The following SORBS3 variants were observed in gnomAD, a reference collection of about 807,000 sequenced individuals.
The protein encoded by SORBS3 is sorbin and SH3 domain containing 3, also known as vinexin.
A neutral mutation model predicts 98.0 loss-of-function variants in SORBS3; 69 were observed. The observed-to-expected ratio is 0.70, with a 90% CI of 0.58 to 0.86. SORBS3 has a LOEUF of 0.86. Ranked by LOEUF, SORBS3 falls within the 40% of genes least tolerant of loss-of-function variation. The probability of loss-of-function intolerance (pLI) is 0.00; values close to 1 mark genes in which losing one functional copy is unlikely to be tolerated. For missense variants in SORBS3, 954 were observed against 908.5 expected (o/e 1.05, Z -0.64); for synonymous variants, 394 against 355.4 (o/e 1.11, Z -1.22).
At position 22,561,874 on chromosome 8, in the gene SORBS3, A is replaced by T. The variant is rs576322599; in HGVS notation, c.527A>T (p.His176Leu). ...TGTACCTCCTCTGCAGACCCCAGGC[A>T]TCTAGGAGCCCAGCAAAGACCTGCC... ...TFEEPPRDPR[H>L]LGAQQRPAHR... Residue 176 changes from histidine to leucine, a missense_variant, in exon 7 of 21, where the codon CAT (histidine) becomes CTT (leucine). His to Leu is a moderately conservative substitution (Grantham distance 99). Transcript: ENST00000240123. 1 of 1,614,058 alleles carries T rather than the reference A, an allele frequency of 6.2e-7. No homozygotes were observed. Among genetic ancestry groups the T allele is most frequent in the South Asian group, 1.1e-5 (1 of 91,076 alleles).
At chr8:22,564,893 G>C (rs1840372683) in intron 10 of SORBS3, 1 of 1,280,672 alleles carries the variant, frequency 7.8e-7, no homozygotes, top group Non-Finnish European at 9.9e-7. Flanking sequence ...CCGGTCCCTG[G>C]GGTGGCGGGG....
In SORBS3 at chr8:22,571,154, G is replaced by A; in HGVS notation, c.1676G>A (p.Gly559Glu). The change falls in exon 18 of 21, where the codon GGG becomes GAG. Residue 559 changes from glycine to glutamate, a missense_variant. Physicochemically the swap from Gly to Glu is moderately conservative, Grantham distance 98. Coordinates refer to ENST00000240123, the MANE Select transcript of SORBS3 (RefSeq NM_005775.5). ...LRSPADPIDL[G>E]GQTSPRRTGF... ...AGCCCAGCTGACCCCATCGACTTGG[G>A]GGGACAGACCTCCCCCCGTCGCACT... The A allele has an allele frequency of 6.3e-7, 1 of 1,594,320 alleles. No homozygotes were observed. The highest frequency in any genetic ancestry group is 1.1e-5 in the South Asian group (1 of 90,696).
chr8:22,556,716 C>A lies in SORBS3; in HGVS notation c.222C>A (p.Asp74Glu), dbSNP rs1563817097. 6.2e-7 allele frequency: 1 copy of A among 1,613,708 alleles called. No homozygotes were observed. The highest frequency in any genetic ancestry group is 8.5e-7 in the Non-Finnish European group (1 of 1,179,994). ...TGCTCTCCTGCACGCACCCAACAGACCCTGCGTGGTATCAGACCTGGCCAG... is the reference window on the plus strand; with the variant it reads ...TGCTCTCCTGCACGCACCCAACAGAACCTGCGTGGTATCAGACCTGGCCAG... ...TPRRDASQHP[D>E]PAWYQTWPGP... The change falls in exon 4 of 21, where the codon GAC (aspartate) becomes GAA (glutamate). Residue 74 changes from aspartate (D) to glutamate (E), a missense_variant and splice_region_variant. Transcript: ENST00000240123.
At chr8:22,564,611 G>A (rs1840366559) in intron 10 of SORBS3, 90 bp downstream of exon 10, 3 of 1,534,790 alleles carry the variant, frequency 2.0e-6, no homozygotes, top group Admixed American at 1.7e-5. Context: ...CATAGGCCAC[G>A]AACTAAGAGC....
chr8:22,556,693 C>A lies in SORBS3; in HGVS notation c.221-22C>A, dbSNP rs752751340. ...TGGAGACCCCTGCCTTTCACTAATG[C>A]TCTCCTGCACGCACCCAACAGACCC... On this transcript the variant is annotated intron_variant, in intron 3 of 20. Coordinates refer to ENST00000240123, the MANE Select transcript of SORBS3 (RefSeq NM_005775.5). 3.7e-6 allele frequency: 6 copies of A among 1,611,184 alleles called. No homozygotes were observed. In the South Asian group the frequency reaches 5.5e-5, roughly 15 times the overall value.
chr8:22,573,722 C>G, intron 20 of SORBS3, among the ~76,000 whole-genome samples: 1 of 152,180 alleles, frequency 6.6e-6, no homozygotes, highest in South Asian at 2.1e-4. Context: ...AGGGTGCCAG[C>G]CTGGAAGGGG....
At chr8:22,552,745 G>A (rs898736746) in intron 1 of SORBS3, among the ~76,000 whole-genome samples, 3 of 152,296 alleles carry the variant, frequency 2.0e-5, no homozygotes, top group South Asian at 4.1e-4. Context: ...CAGTCAGCTG[G>A]GCAGGGAGGG....
intron 10 of SORBS3, 119 bp downstream of exon 10, chr8:22,564,640 T>C: frequency 1.4e-6 from 2 of 1,432,982 alleles, no homozygotes; most frequent in Non-Finnish European, 1.9e-6. Context: ...CAGTCCCACA[T>C]GGTTTATTTC....
At chr8:22,571,858 G>A in intron 19 of SORBS3, 37 bp downstream of exon 19, 3 of 1,444,882 alleles carry the variant, frequency 2.1e-6, no homozygotes, top group Non-Finnish European at 2.9e-6. Context: ...CAGACGTGGG[G>A]GGGGTCACTG....
chr8:22,567,144 G>T lies in SORBS3; in HGVS notation c.1274G>T (p.Arg425Leu). 6.2e-7 allele frequency: 1 copy of T among 1,612,978 alleles called. No homozygotes were observed. Among genetic ancestry groups the T allele is most frequent in the South Asian group, 1.1e-5 (1 of 91,066 alleles). The change falls in exon 16 of 21, where the codon CGC (arginine) becomes CTC (leucine). Residue 425 changes from arginine to leucine, a missense_variant. Physicochemically the swap from Arg to Leu is moderately radical, Grantham distance 102. Transcript: ENST00000240123. ...KNWLEGEHHG[R>L]LGIFPANYVE... is the part of the protein sequence containing the mutation. ...TGGCTGGAGGGAGAGCACCACGGCC[G>T]CCTGGGCATCTTCCCTGCTAATTAT...
rs768856645 is a variant in SORBS3, at chr8:22,569,157, G to T, written c.1315G>T (p.Ala439Ser). 1.3e-4 allele frequency: 205 copies of T among 1,604,646 alleles called. 1 individual carries two copies. The South Asian group carries it at 2.0e-3, about 15-fold the overall frequency. Residue 439 changes from alanine to serine, a missense_variant, in exon 17 of 21, where the codon GCA becomes TCA. By Grantham distance (99) the Ala-to-Ser change is moderately conservative. Transcript: ENST00000240123. ...FPANYVEVLP[A>S]DEIPKPIKPP... ...ACCTTTCTTCATGCAGGTGCTGCCC[G>T]CAGATGAGATCCCTAAGCCCATCAA... is the stretch of plus-strand genomic sequence containing the variant.
At chr8:22,570,225 GT>G (rs894800605) in intron 17 of SORBS3, among the ~76,000 whole-genome samples, 1 of 152,232 alleles carries the variant, frequency 6.6e-6, no homozygotes, top group Admixed American at 6.5e-5. Flanking sequence ...GGGGAAGAAG[GT>G]GGCTGGATGG....
At chr8:22,568,745 C>T (rs868757371) in intron 16 of SORBS3, among the ~76,000 whole-genome samples, 3 of 152,266 alleles carry the variant, frequency 2.0e-5, no homozygotes, top group Admixed American at 6.5e-5. Context: ...CCAGGGACAC[C>T]CGGTTCTCAG....
chr8:22,553,115 C>T (rs1840116790), intron 1 of SORBS3, among the ~76,000 whole-genome samples: 1 of 152,108 alleles, frequency 6.6e-6, no homozygotes, highest in Non-Finnish European at 1.5e-5. Context: ...ACCTTCATCC[C>T]CTCTGGGCCC....
At position 22,575,301 on chromosome 8, in the gene SORBS3, C is replaced by A. The variant is rs1271538392; in HGVS notation, c.*573C>A. On this transcript the variant is annotated 3_prime_UTR_variant, in exon 21 of 21. Transcript: ENST00000240123. Reference sequence around the variant, plus strand: ...CCTGGCAAGAGCTCTGGCCCCAAGGCCTCCTCTTCCCAGGGGCTGCCAAGT... The same window carrying A: ...CCTGGCAAGAGCTCTGGCCCCAAGGACTCCTCTTCCCAGGGGCTGCCAAGT... 8.1e-6 allele frequency: 2 copies of A among 247,094 alleles called. No individual in the cohort carries two copies. Among genetic ancestry groups the A allele is most frequent in the Admixed American group, 5.4e-5 (1 of 18,512 alleles). The allele number at this position is 247,094 out of a possible 1,614,324, so 15.3% of individuals were successfully genotyped here.
chr8:22,559,634 C>T (rs976576923), intron 5 of SORBS3, among the ~76,000 whole-genome samples: 3 of 151,438 alleles, frequency 2.0e-5, no homozygotes, highest in African/African-American at 2.4e-5. Context: ...ACCTGGGAGG[C>T]GGAGGTTGCA....
At position 22,569,094 on chromosome 8, in the gene SORBS3, C is replaced by T; in HGVS notation, c.1306-54C>T. Reference sequence around the variant, plus strand: ...TTGCTGTCTCACAGGAACCCCCAGCCTGTGCTATGTTGATGCCCAGGCCAA... The same window carrying T: ...TTGCTGTCTCACAGGAACCCCCAGCTTGTGCTATGTTGATGCCCAGGCCAA... On this transcript the variant is annotated intron_variant, in intron 16 of 20. Transcript: ENST00000240123. The T allele has an allele frequency of 2.0e-6, 3 of 1,526,328 alleles. No individual in the cohort carries two copies. The South Asian group carries it at 3.8e-5, about 19-fold the overall frequency. The allele number at this position is 1,526,328 out of a possible 1,614,324, so 94.5% of individuals were successfully genotyped here. A position where few individuals can be genotyped will look rare whatever the true frequency, so the allele number is the denominator to read the frequency against.
intron 16 of SORBS3, 104 bp downstream of exon 16, chr8:22,567,279 G>T: frequency 2.6e-6 from 2 of 772,002 alleles, no homozygotes; most frequent in Non-Finnish European, 2.2e-6. Context: ...AAACTGTGAG[G>T]GGCTGGGGCG....
intron 4 of SORBS3, among the ~76,000 whole-genome samples, 198 bp from the exon 5 acceptor site, chr8:22,557,931 G>T (rs1342047597): frequency 6.6e-6 from 1 of 152,220 alleles, no homozygotes; most frequent in African/African-American, 2.4e-5. Context: ...TGGAGATCTT[G>T]TCATATATCT....
Sources: gnomAD v4.1 joint callset for allele counts (sites outside exome capture counted in the v4.1 genomes callset) on GRCh38, gnomAD v4.1.1 for gene constraint, MANE v1.5 for transcripts, NCBI Gene and HGNC (gene_info 2026-07-23, HGNC 2026-07-21) for gene names.